The following DLC1 variants were observed in gnomAD, a reference collection of about 807,000 sequenced individuals.
DLC1 encodes rho GTPase-activating protein 7.
In DLC1, 54 loss-of-function variants were observed where a neutral mutation model predicts 140.3. The ratio of observed to expected loss-of-function variants is 0.38; its 90% CI spans 0.31 to 0.48. DLC1 has a LOEUF of 0.48. Among genes scored for constraint, DLC1 ranks in the 20% least tolerant of loss-of-function variants. The probability of loss-of-function intolerance (pLI) is 0.96; values close to 1 mark genes in which losing one functional copy is unlikely to be tolerated. For synonymous variants in DLC1, 986 were observed against 728.1 expected (o/e 1.35, Z -5.70); for missense variants, 2,536 against 1,907.0 (o/e 1.33, Z -6.14).
At position 13,567,132 on chromosome 8, in the gene DLC1, G is replaced by C. The variant is rs775955635; in HGVS notation, c.-126+37405C>G. Reference sequence around the variant, plus strand: ...GCTCCTCTGGAGGACGGCAGTCCTCGCCCCTGACCTCTGGGAGCAAACTGG... The same window carrying C: ...GCTCCTCTGGAGGACGGCAGTCCTCCCCCCTGACCTCTGGGAGCAAACTGG... On this transcript the variant is annotated intron_variant, in intron 1 of 1. Coordinates refer to the DLC1 transcript ENST00000631382. The C allele has an allele frequency of 9.7e-6, 15 of 1,551,630 alleles. No individual in the cohort carries two copies. The African/African-American group carries it at 1.8e-4, about 18-fold the overall frequency.
intron 5 of DLC1, among the ~76,000 whole-genome samples, chr8:13,302,417 C>T (rs1832238974): frequency 6.6e-6 from 1 of 152,150 alleles, no homozygotes; most frequent in Admixed American, 6.5e-5. Flanking sequence ...AACTTGCCTC[C>T]CTTTGAAGAT....
At chr8:13,489,535 A>G (rs1160381535) in intron 2 of DLC1, among the ~76,000 whole-genome samples, 1 of 151,722 alleles carries the variant, frequency 6.6e-6, no homozygotes, top group Non-Finnish European at 1.5e-5. Context: ...GTATATATTA[A>G]CTCATTTAAT....
chr8:13,113,121 C>A (rs1205572419), intron 6 of DLC1, among the ~76,000 whole-genome samples: 1 of 152,162 alleles, frequency 6.6e-6, no homozygotes, highest in African/African-American at 2.4e-5. Flanking sequence ...AGAATTAAAT[C>A]AGTAATTTTC....
At chr8:13,146,497 C>A (rs1323818515) in intron 5 of DLC1, among the ~76,000 whole-genome samples, 1 of 151,100 alleles carries the variant, frequency 6.6e-6, no homozygotes, top group Non-Finnish European at 1.5e-5. Flanking sequence ...CCAAATTGGC[C>A]CTATTTTCTT....
intron 5 of DLC1, among the ~76,000 whole-genome samples, chr8:13,227,220 T>G (rs917409199): frequency 3.3e-5 from 5 of 152,158 alleles, no homozygotes; most frequent in Admixed American, 6.5e-5. Context: ...ACAAATTGCC[T>G]TCTTCCAAGT....
At chr8:13,458,548 A>T (rs1172514664) in intron 2 of DLC1, among the ~76,000 whole-genome samples, 1 of 152,160 alleles carries the variant, frequency 6.6e-6, no homozygotes, top group African/African-American at 2.4e-5. Flanking sequence ...CTCCAAAATA[A>T]TACTTTGCTC....
At chr8:13,221,756 T>C (rs991744965) in intron 5 of DLC1, among the ~76,000 whole-genome samples, 22 of 143,180 alleles carry the variant, frequency 1.5e-4, no homozygotes, top group African/African-American at 5.7e-4. Context: ...GATAAACCAT[T>C]ATATATAATA....
intron 5 of DLC1, among the ~76,000 whole-genome samples, chr8:13,207,585 A>C (rs1177368199): frequency 6.6e-6 from 1 of 152,084 alleles, no homozygotes; most frequent in Non-Finnish European, 1.5e-5. Context: ...AAAGAAACTC[A>C]ACCTTAAAAA....
intron 2 of DLC1, among the ~76,000 whole-genome samples, chr8:13,490,574 A>G (rs561346885): frequency 3.8e-4 from 58 of 152,190 alleles, no homozygotes; most frequent in Admixed American, 7.2e-4. Context: ...ACTTGTGTGG[A>G]TATTGGCATT....
intron 2 of DLC1, among the ~76,000 whole-genome samples, chr8:13,485,896 C>T (rs1257460359): frequency 2.0e-5 from 3 of 152,140 alleles, no homozygotes; most frequent in Non-Finnish European, 2.9e-5. Flanking sequence ...AAATTTAGTG[C>T]TTTATGTGAT....
chr8:13,460,323 C>G (rs1048632610), intron 2 of DLC1, among the ~76,000 whole-genome samples: 5 of 152,320 alleles, frequency 3.3e-5, no homozygotes, highest in African/African-American at 1.2e-4. Context: ...AAAATGTCTT[C>G]CTTTTTTATA....
chr8:13,472,193 T>C (rs183387381), intron 2 of DLC1, among the ~76,000 whole-genome samples: 2 of 152,258 alleles, frequency 1.3e-5, no homozygotes, highest in Non-Finnish European at 2.9e-5. Context: ...CAGGGAATGG[T>C]TGAGAGACTG....
intron 10 of DLC1, among the ~76,000 whole-genome samples, chr8:13,096,229 A>G (rs148104704): frequency 5.3e-5 from 8 of 152,312 alleles, no homozygotes; most frequent in African/African-American, 1.9e-4. Flanking sequence ...ACTGACCAGA[A>G]CTCAAGAAGT....
intron 5 of DLC1, among the ~76,000 whole-genome samples, chr8:13,152,381 A>C (rs558508849): frequency 3.3e-5 from 5 of 152,294 alleles, no homozygotes; most frequent in East Asian, 3.9e-4. Context: ...TATATAACCC[A>C]AAAAAATGAC....
intron 4 of DLC1, among the ~76,000 whole-genome samples, chr8:13,332,941 G>A (rs1460346232): frequency 2.6e-5 from 4 of 151,844 alleles, no homozygotes; most frequent in African/African-American, 9.7e-5. Context: ...CCTGCCCAAA[G>A]GTTTAAAGAA....
chr8:13,324,073 C>T (rs976555470), intron 4 of DLC1, among the ~76,000 whole-genome samples: 8 of 152,186 alleles, frequency 5.3e-5, no homozygotes, highest in African/African-American at 1.9e-4. Context: ...AATACAGTGT[C>T]TGACAAATCC....
chr8:13,440,630 G>A (rs1308785233), intron 2 of DLC1, among the ~76,000 whole-genome samples: 1 of 151,582 alleles, frequency 6.6e-6, no homozygotes, highest in African/African-American at 2.4e-5. Context: ...GTTTGGCTGT[G>A]TCACCACCCA....
chr8:13,304,550 A>G (rs1586101204), intron 5 of DLC1: 1 of 529,318 alleles, frequency 1.9e-6, no homozygotes, highest in East Asian at 1.5e-4. Flanking sequence ...AGGTGAGACT[A>G]TAAACTTTTA....
chr8:13,187,250 T>C (rs543398505), intron 5 of DLC1, among the ~76,000 whole-genome samples: 43 of 152,312 alleles, frequency 2.8e-4, no homozygotes, highest in African/African-American at 1.0e-3. Flanking sequence ...CTGTAGAATG[T>C]AAGGTCTATG....
Sources: gnomAD v4.1 joint callset for allele counts (sites outside exome capture counted in the v4.1 genomes callset) on GRCh38, gnomAD v4.1.1 for gene constraint, MANE v1.5 for transcripts, NCBI Gene and HGNC (gene_info 2026-07-23, HGNC 2026-07-21) for gene names.